Variants in MARCHF1 observed in about 807,000 individuals in gnomAD.
The protein encoded by MARCHF1 is E3 ubiquitin-protein ligase MARCHF1.
MARCHF1 carries 40 observed loss-of-function variants against 54.2 expected under a neutral mutation model. The observed-to-expected ratio is 0.74, with a 90% confidence interval of 0.57 to 0.96. The LOEUF (loss-of-function observed/expected upper bound fraction) is 0.96. Ranked by LOEUF, MARCHF1 falls within the 40% of genes least tolerant of loss-of-function variation. The pLI, the probability that MARCHF1 is intolerant of heterozygous loss-of-function variation, is 0.00. For missense variants in MARCHF1, 586 were observed against 656.5 expected (o/e 0.89, Z 1.17); for synonymous variants, 236 against 236.3 (o/e 1.00, Z 0.01).
At chr4:164,093,754 C>A (rs781684049) in intron 2 of MARCHF1, among the ~76,000 whole-genome samples, 21 of 152,086 alleles carry the variant, frequency 1.4e-4, no homozygotes, top group Non-Finnish European at 2.8e-4. Context: ...AACTCCTGGG[C>A]ATCTGTATTC....
intron 2 of MARCHF1, among the ~76,000 whole-genome samples, chr4:164,091,164 C>A (rs939567909): frequency 6.6e-6 from 1 of 151,814 alleles, no homozygotes; most frequent in Non-Finnish European, 1.5e-5. Flanking sequence ...ATTTTAACAC[C>A]TCTCTCTCTG....
chr4:163,989,328 C>T (rs1164103987), intron 2 of MARCHF1, among the ~76,000 whole-genome samples: 2 of 151,726 alleles, frequency 1.3e-5, no homozygotes, highest in Non-Finnish European at 2.9e-5. Context: ...GAAGAGAGAC[C>T]TGGAGCAATT....
intron 1 of MARCHF1, among the ~76,000 whole-genome samples, chr4:164,233,180 G>C (rs528128160): frequency 6.6e-6 from 1 of 152,074 alleles, no homozygotes; most frequent in South Asian, 2.1e-4. Context: ...CCTATCAGCA[G>C]GTTTACTCTC....
chr4:163,637,635 A>G (rs868101939), intron 5 of MARCHF1, among the ~76,000 whole-genome samples: 1 of 149,358 alleles, frequency 6.7e-6, no homozygotes, highest in Non-Finnish European at 1.5e-5. Flanking sequence ...ACACTTTTAC[A>G]CTGTTGGTGG....
At chr4:164,088,364 C>G (rs1252207144) in intron 2 of MARCHF1, among the ~76,000 whole-genome samples, 2 of 152,106 alleles carry the variant, frequency 1.3e-5, no homozygotes, top group South Asian at 2.1e-4. Context: ...TTTCCTTAGT[C>G]AAGAGTAGTC....
intron 5 of MARCHF1, among the ~76,000 whole-genome samples, chr4:163,629,711 T>C (rs955985900): frequency 6.6e-6 from 1 of 152,078 alleles, no homozygotes; most frequent in Non-Finnish European, 1.5e-5. Context: ...AGGGATAACA[T>C]TGGGTGAAAT....
chr4:163,659,409 G>C (rs1743264543), intron 5 of MARCHF1, among the ~76,000 whole-genome samples: 1 of 151,880 alleles, frequency 6.6e-6, no homozygotes, highest in African/African-American at 2.4e-5. Context: ...AATTCAAGAT[G>C]GATTAAAGAC....
chr4:163,884,211 C>G (rs942535801), intron 3 of MARCHF1, among the ~76,000 whole-genome samples: 1 of 151,928 alleles, frequency 6.6e-6, no homozygotes, highest in Non-Finnish European at 1.5e-5. Flanking sequence ...AGACCACCCC[C>G]CAGAGTAACT....
intron 5 of MARCHF1, among the ~76,000 whole-genome samples, chr4:163,643,158 CAAAAAAAA>C (rs34228966): frequency 9.6e-6 from 1 of 104,160 alleles, no homozygotes; most frequent in African/African-American, 3.6e-5. Context: ...ACTATAAATA[CAAAAAAAA>C]AAAAAAAAAA....
chr4:163,951,470 A>G (rs1316644189), intron 3 of MARCHF1, among the ~76,000 whole-genome samples: 1 of 152,224 alleles, frequency 6.6e-6, no homozygotes, highest in Non-Finnish European at 1.5e-5. Flanking sequence ...CAAAGCTAAA[A>G]CCAAAAGAAA....
intron 1 of MARCHF1, among the ~76,000 whole-genome samples, chr4:164,326,392 T>A (rs1233722547): frequency 1.3e-5 from 2 of 152,204 alleles, no homozygotes; most frequent in Non-Finnish European, 2.9e-5. Context: ...GAAAAGTTGT[T>A]ATATCAAAGA....
intron 4 of MARCHF1, among the ~76,000 whole-genome samples, chr4:163,743,444 G>A (rs1419413717): frequency 1.3e-5 from 2 of 152,130 alleles, no homozygotes; most frequent in Non-Finnish European, 2.9e-5. Flanking sequence ...ATGTAACGTT[G>A]AGCGTTTTAC....
chr4:164,023,940 A>T (rs1753717432), intron 2 of MARCHF1, among the ~76,000 whole-genome samples: 1 of 152,242 alleles, frequency 6.6e-6, no homozygotes, highest in African/African-American at 2.4e-5. Context: ...ATATCAAAAT[A>T]CAATTTGAAG....
chr4:163,923,766 TA>T (rs201402327), intron 3 of MARCHF1, among the ~76,000 whole-genome samples: 18,951 of 141,160 alleles, frequency 0.13, 1,258 homozygotes, highest in East Asian at 0.23. Context: ...GATAGAATTG[TA>T]AAAAAAAAAA....
At chr4:163,782,802 T>C (rs539742601) in intron 4 of MARCHF1, among the ~76,000 whole-genome samples, 1 of 151,710 alleles carries the variant, frequency 6.6e-6, no homozygotes, top group Admixed American at 6.6e-5. Context: ...TGTAGCAGTA[T>C]CAGGAAGAAA....
intron 5 of MARCHF1, among the ~76,000 whole-genome samples, chr4:163,694,563 C>T (rs1744562190): frequency 6.6e-6 from 1 of 152,070 alleles, no homozygotes; most frequent in Non-Finnish European, 1.5e-5. Context: ...CCCTGGGCTG[C>T]CTTTCTTACT....
At chr4:163,715,660 T>C (rs74347028) in intron 4 of MARCHF1, among the ~76,000 whole-genome samples, 4,214 of 152,168 alleles carry the variant, frequency 0.028, 71 homozygotes, top group East Asian at 0.077. Context: ...TATATGTACA[T>C]ACTATGGCAA....
chr4:164,063,143 C>G (rs187008760), intron 2 of MARCHF1, among the ~76,000 whole-genome samples: 183 of 152,264 alleles, frequency 1.2e-3, no homozygotes, highest in South Asian at 9.8e-3. Context: ...TTGCGTAATT[C>G]TTAAGGGCCC....
chr4:163,961,078 A>G (rs1266113731), intron 3 of MARCHF1, among the ~76,000 whole-genome samples: 1 of 151,826 alleles, frequency 6.6e-6, no homozygotes, highest in Non-Finnish European at 1.5e-5. Context: ...TCCCATCCTC[A>G]TATAACCTTA....
Sources: gnomAD v4.1 joint callset for allele counts (sites outside exome capture counted in the v4.1 genomes callset) on GRCh38, gnomAD v4.1.1 for gene constraint, MANE v1.5 for transcripts, NCBI Gene and HGNC (gene_info 2026-07-23, HGNC 2026-07-21) for gene names.